Variants in NAA11 observed in about 807,000 individuals in gnomAD.
NAA11 encodes the protein N-alpha-acetyltransferase 11.
In NAA11, 15 loss-of-function variants were observed where a neutral mutation model predicts 16.1. The ratio of observed to expected loss-of-function variants is 0.93; its 90% confidence interval spans 0.62 to 1.44. The LOEUF is 1.44. Ranked by LOEUF, NAA11 falls within the 40% of genes most tolerant of loss-of-function variation. The pLI, the probability that NAA11 is intolerant of heterozygous loss-of-function variation, is 0.00. For synonymous variants in NAA11, 122 were observed against 112.4 expected, an observed-to-expected ratio of 1.09 and a Z score of -0.54; for missense variants, 298 against 291.3, an observed-to-expected ratio of 1.02 and a Z score of -0.17.
chr4:79,245,914 C>T (rs1185747182), intron 2 of NAA11, among the ~76,000 whole-genome samples: 4 of 152,192 alleles, frequency 2.6e-5, no homozygotes, highest in Admixed American at 1.3e-4. Flanking sequence ...GCCATGATGA[C>T]GATGGCGGTT....
chr4:79,174,299 A>G, the NAA11 span, among the ~76,000 whole-genome samples: 1 of 152,162 alleles, frequency 6.6e-6, no homozygotes, highest in Non-Finnish European at 1.5e-5. Flanking sequence ...ATATTTACTC[A>G]TCTGCTCCTT....
At chr4:79,185,052 C>A in the NAA11 span, among the ~76,000 whole-genome samples, 1 of 152,052 alleles carries the variant, frequency 6.6e-6, no homozygotes, top group Non-Finnish European at 1.5e-5. Flanking sequence ...GTGAATTTTA[C>A]ATGCCTGAGT....
chr4:79,161,077 A>T, the NAA11 span, among the ~76,000 whole-genome samples: 1 of 152,142 alleles, frequency 6.6e-6, no homozygotes, highest in East Asian at 1.9e-4. Flanking sequence ...TCTTACATTT[A>T]TTCTGTGATT....
the NAA11 span, among the ~76,000 whole-genome samples, chr4:79,208,156 C>G: frequency 2.2e-4 from 34 of 152,140 alleles, no homozygotes; most frequent in African/African-American, 7.2e-4. Context: ...TTGCGAGAAT[C>G]AAGGGCTCTA....
intron 2 of NAA11, among the ~76,000 whole-genome samples, chr4:79,238,487 C>T (rs542762917): frequency 6.6e-6 from 1 of 152,194 alleles, no homozygotes; most frequent in Admixed American, 6.5e-5. Flanking sequence ...GGTAGCAACA[C>T]ACAAGATTCA....
chr4:79,280,319 C>T (rs185574353), intron 2 of NAA11, among the ~76,000 whole-genome samples: 89 of 152,086 alleles, frequency 5.9e-4, no homozygotes, highest in Admixed American at 1.8e-3. Flanking sequence ...TGTGCCCTCC[C>T]GTAACTAAAG....
the NAA11 span, among the ~76,000 whole-genome samples, chr4:79,190,657 T>A: frequency 6.6e-6 from 1 of 151,940 alleles, no homozygotes; most frequent in Non-Finnish European, 1.5e-5. Context: ...TTATTGTTTA[T>A]TTTTTTAAAT....
chr4:79,172,057 G>A, the NAA11 span, among the ~76,000 whole-genome samples: 1 of 152,114 alleles, frequency 6.6e-6, no homozygotes, highest in Non-Finnish European at 1.5e-5. Flanking sequence ...AGGAAAGGCA[G>A]AAAATAATAA....
the NAA11 span, among the ~76,000 whole-genome samples, chr4:79,161,697 T>C: frequency 6.1e-4 from 91 of 150,078 alleles, no homozygotes; most frequent in Admixed American, 2.4e-3. Context: ...TTTTTTGAGA[T>C]GGAGTCTTGC....
At chr4:79,256,554 C>G (rs1228572342) in intron 2 of NAA11, among the ~76,000 whole-genome samples, 1 of 151,066 alleles carries the variant, frequency 6.6e-6, no homozygotes, top group South Asian at 2.1e-4. Context: ...ATGTTAGCAG[C>G]TATTGATGCT....
intron 2 of NAA11, among the ~76,000 whole-genome samples, chr4:79,254,632 G>A (rs1317298749): frequency 1.3e-5 from 2 of 148,412 alleles, no homozygotes; most frequent in Non-Finnish European, 3.0e-5. Flanking sequence ...ATTTAAAAAG[G>A]ATTTGTCCTT....
intron 2 of NAA11, among the ~76,000 whole-genome samples, chr4:79,229,047 G>A (rs1031185575): frequency 9.9e-5 from 15 of 151,672 alleles, no homozygotes; most frequent in East Asian, 3.9e-4. Flanking sequence ...AGTGTCTTTC[G>A]TAGTGCAGAA....
the NAA11 span, among the ~76,000 whole-genome samples, chr4:79,199,964 G>T: frequency 6.6e-6 from 1 of 151,864 alleles, no homozygotes; most frequent in South Asian, 2.1e-4. Context: ...ATGAGCTACA[G>T]CTGTTACAGG....
the NAA11 span, among the ~76,000 whole-genome samples, chr4:79,218,539 A>G: frequency 6.6e-6 from 1 of 152,118 alleles, no homozygotes; most frequent in African/African-American, 2.4e-5. Flanking sequence ...TTGATAACTC[A>G]CATCTGTCAT....
the NAA11 span, among the ~76,000 whole-genome samples, chr4:79,193,282 G>A: frequency 6.6e-6 from 1 of 152,020 alleles, no homozygotes; most frequent in Admixed American, 6.6e-5. Flanking sequence ...TGGTGTTTTT[G>A]GCATGAAGTC....
chr4:79,174,193 A>G, the NAA11 span, among the ~76,000 whole-genome samples: 1 of 152,316 alleles, frequency 6.6e-6, no homozygotes, highest in Admixed American at 6.5e-5. Context: ...TTGAGAAAAA[A>G]TCATTAGGTT....
rs548827405 is a variant in NAA11, at chr4:79,259,364, T to C, written c.*123-33094A>G. Among the ~76,000 whole-genome samples, 26 of 152,312 alleles carry C rather than the reference T, an allele frequency of 1.7e-4. No individual in the cohort carries two copies. In the South Asian group the frequency reaches 3.1e-3, roughly 18 times the overall value. ...GCAGCTGTGGAAGCTGCTTGTGGTG[T>C]ACCTGGTCTAGCCACAGCCTCACAG... is the stretch of plus-strand genomic sequence containing the variant. On this transcript the variant is annotated intron_variant and NMD_transcript_variant, in intron 2 of 2. Transcript: ENST00000511542.
chr4:79,206,392 A>G, the NAA11 span, among the ~76,000 whole-genome samples: 2 of 152,118 alleles, frequency 1.3e-5, no homozygotes, highest in African/African-American at 4.8e-5. Flanking sequence ...CCATCTAATT[A>G]AGAATAAATA....
At chr4:79,218,737 G>A in the NAA11 span, among the ~76,000 whole-genome samples, 3 of 152,016 alleles carry the variant, frequency 2.0e-5, no homozygotes, top group Non-Finnish European at 4.4e-5. Context: ...CAATTGAGGT[G>A]TAATTGAATA....
Sources: gnomAD v4.1 joint callset for allele counts (sites outside exome capture counted in the v4.1 genomes callset) on GRCh38, gnomAD v4.1.1 for gene constraint, MANE v1.5 for transcripts, NCBI Gene and HGNC (gene_info 2026-07-23, HGNC 2026-07-21) for gene names.